The following SPAG9 variants were observed in gnomAD, a reference collection of about 807,000 sequenced individuals.
SPAG9 encodes C-Jun-amino-terminal kinase-interacting protein 4.
SPAG9 carries 35 observed loss-of-function variants against 166.5 expected under a neutral mutation model. The observed-to-expected ratio is 0.21, with a 90% CI of 0.16 to 0.28. The LOEUF (loss-of-function observed/expected upper bound fraction) is 0.28. Ranked by LOEUF, SPAG9 falls within the 10% of genes least tolerant of loss-of-function variation. The pLI, the probability that SPAG9 is intolerant of heterozygous loss-of-function variation, is 1.00. For missense variants in SPAG9, 1,235 were observed against 1,603.3 expected, an observed-to-expected ratio of 0.77 and a Z score of 3.92; for synonymous variants, 534 against 565.5, an observed-to-expected ratio of 0.94 and a Z score of 0.79.
chr17:51,002,031 T>C (rs549851971), intron 12 of SPAG9, among the ~76,000 whole-genome samples, 186 bp from the exon 13 acceptor site: 2 of 152,312 alleles, frequency 1.3e-5, no homozygotes, highest in East Asian at 3.9e-4. Context: ...AAATATATTT[T>C]TTGAGACAGG....
chr17:51,029,226 G>A (rs1253976449), intron 6 of SPAG9, among the ~76,000 whole-genome samples: 2 of 152,062 alleles, frequency 1.3e-5, no homozygotes, highest in African/African-American at 2.4e-5. Context: ...CATATAAAAT[G>A]ATGATCAACA....
intron 6 of SPAG9, chr17:51,031,383 A>G: frequency 2.6e-6 from 1 of 382,712 alleles, no homozygotes; most frequent in Non-Finnish European, 4.8e-6. Flanking sequence ...GTATTTCTGG[A>G]AAGTATACCA....
intron 2 of SPAG9, among the ~76,000 whole-genome samples, chr17:51,077,944 G>A (rs770546711): frequency 1.3e-5 from 2 of 151,848 alleles, no homozygotes; most frequent in South Asian, 2.1e-4. Context: ...GTGAATCACC[G>A]CGTCTGGCCT....
At chr17:51,005,529 CT>C (rs1473785265) in intron 11 of SPAG9, among the ~76,000 whole-genome samples, 1 of 152,208 alleles carries the variant, frequency 6.6e-6, no homozygotes, top group Non-Finnish European at 1.5e-5. Context: ...GTCTCTAACT[CT>C]TTTTGCATCA....
chr17:51,094,602 T>C (rs982218284), intron 1 of SPAG9, among the ~76,000 whole-genome samples: 6 of 152,278 alleles, frequency 3.9e-5, no homozygotes, highest in South Asian at 2.1e-4. Flanking sequence ...TACAAGAAAA[T>C]TTAGCTGATA....
At chr17:51,021,463 A>C (rs2045933726) in intron 6 of SPAG9, 98 bp from the exon 7 acceptor site, 1 of 1,034,428 alleles carries the variant, frequency 9.7e-7, no homozygotes, top group East Asian at 2.7e-5. Flanking sequence ...AGAAAGTTCT[A>C]TTTTTTTTTC....
Position 50,990,433 on chromosome 17 carries a change from A to T in SPAG9, c.2617+17T>A. ...CTTAGACTCTATACAGATGGCAGGT[A>T]AAGAGAATGGATATACCTGGTGGTT... On this transcript the variant is annotated intron_variant, in intron 20 of 29. Transcript: ENST00000262013. 6.3e-7 allele frequency: 1 copy of T among 1,580,498 alleles called. No individual in the cohort carries two copies. Among genetic ancestry groups the T allele is most frequent in the Non-Finnish European group, 8.7e-7 (1 of 1,149,268 alleles).
rs1555655271 is a variant in SPAG9, at chr17:51,077,021, T to TCTATCTAGCTAGCTAGCTATCTAGCTAG, written c.424+2562_424+2563insCTAGCTAGATAGCTAGCTAGCTAGATAG. Among the ~76,000 whole-genome samples the TCTATCTAGCTAGCTAGCTATCTAGCTAG allele has an allele frequency of 9.2e-5, 7 of 76,146 alleles. No homozygotes were observed. In the East Asian group the frequency reaches 2.1e-3, roughly 23 times the overall value. The allele number at this position is 76,146 out of a possible 152,430, so 50.0% of individuals were successfully genotyped here. ...AGCTATCTAGCTAGCTAGCTAGCTA[T>TCTATCTAGCTAGCTAGCTATCTAGCTAG]CTAGCTATCTATCTAGCTATCTAGC... On this transcript the variant is annotated intron_variant, in intron 2 of 29. Coordinates refer to ENST00000262013, the MANE Select transcript of SPAG9 (RefSeq NM_001130528.3).
rs574022451 is a variant in SPAG9, at chr17:50,974,344, C to A, written c.3700+427G>T. ...AGGTTAGTGGCAGAGACACAGGGGC[C>A]AGACCCCCAGGCCTCCTAGTTCACT... On this transcript the variant is annotated intron_variant, in intron 28 of 29. Coordinates refer to ENST00000262013, the MANE Select transcript of SPAG9 (RefSeq NM_001130528.3). Among the ~76,000 whole-genome samples the A allele has an allele frequency of 4.2e-4, 64 of 152,318 alleles. 1 individual carries two copies. The South Asian group carries it at 0.013, about 31-fold the overall frequency.
intron 4 of SPAG9, among the ~76,000 whole-genome samples, chr17:51,043,594 GT>G (rs2144416317): frequency 6.6e-6 from 1 of 152,176 alleles, no homozygotes; most frequent in African/African-American, 2.4e-5. Flanking sequence ...TCAATCTGAT[GT>G]TTTCCCCCCA....
At chr17:50,984,270 G>A (rs1255158918) in intron 24 of SPAG9, among the ~76,000 whole-genome samples, 1 of 152,062 alleles carries the variant, frequency 6.6e-6, no homozygotes, top group Non-Finnish European at 1.5e-5. Context: ...AATTCTTTAA[G>A]AAAAAGTCCA....
intron 6 of SPAG9, among the ~76,000 whole-genome samples, chr17:51,025,858 A>G (rs2046146336): frequency 6.6e-6 from 1 of 152,170 alleles, no homozygotes. Flanking sequence ...CACCCATGTT[A>G]TCATGTACAT....
At chr17:51,036,517 T>G (rs2046589848) in intron 5 of SPAG9, among the ~76,000 whole-genome samples, 1 of 152,098 alleles carries the variant, frequency 6.6e-6, no homozygotes, top group Non-Finnish European at 1.5e-5. Flanking sequence ...TCTTTTCCCA[T>G]GCATCTTCTT....
chr17:51,093,313 G>A (rs2048520054), intron 1 of SPAG9, among the ~76,000 whole-genome samples: 2 of 152,002 alleles, frequency 1.3e-5, no homozygotes, highest in African/African-American at 2.4e-5. Flanking sequence ...ATGCAGAAAG[G>A]GGCATGTACA....
chr17:51,084,673 T>G (rs895023380), intron 1 of SPAG9, among the ~76,000 whole-genome samples: 1 of 152,136 alleles, frequency 6.6e-6, no homozygotes, highest in South Asian at 2.1e-4. Context: ...CCTCCCAAAG[T>G]GCTGGGATTA....
At chr17:51,046,580 A>C in intron 4 of SPAG9, 1 of 1,536,142 alleles carries the variant, frequency 6.5e-7, no homozygotes. Context: ...AAACAGAGAG[A>C]GATACTAAGA....
chr17:51,092,527 A>T (rs1042316445), intron 1 of SPAG9, among the ~76,000 whole-genome samples: 6 of 152,074 alleles, frequency 3.9e-5, no homozygotes, highest in African/African-American at 1.4e-4. Context: ...TAAGTTTTAG[A>T]TGTGTTAATG....
intron 1 of SPAG9, among the ~76,000 whole-genome samples, chr17:51,081,766 T>C (rs1207932728): frequency 2.0e-5 from 3 of 151,796 alleles, no homozygotes; most frequent in African/African-American, 7.3e-5. Flanking sequence ...GTAAAAACAA[T>C]TTATCCTCTG....
intron 1 of SPAG9, among the ~76,000 whole-genome samples, chr17:51,095,689 T>A (rs1203409936): frequency 6.7e-6 from 1 of 148,600 alleles, no homozygotes; most frequent in African/African-American, 2.5e-5. Flanking sequence ...TATATAGTGA[T>A]ATATATATAG....
Sources: allele counts gnomAD v4.1 joint callset (sites outside exome capture counted in the v4.1 genomes callset), GRCh38; gene constraint gnomAD v4.1.1; transcripts MANE v1.5; gene names NCBI Gene and HGNC (gene_info 2026-07-23, HGNC 2026-07-21).